Variants in TENM2 observed in about 807,000 individuals in gnomAD.
TENM2 encodes the protein teneurin-2.
A neutral mutation model predicts 245.2 loss-of-function variants in TENM2; 52 were observed. The ratio of observed to expected loss-of-function variants is 0.21; its 90% CI spans 0.17 to 0.27. TENM2 has a LOEUF of 0.27. TENM2 is among the 10% of genes least tolerant of loss of function. The probability of loss-of-function intolerance (pLI) is 1.00; values close to 1 mark genes in which losing one functional copy is unlikely to be tolerated. For missense variants in TENM2, 3,046 were observed against 3,666.8 expected, an observed-to-expected ratio of 0.83 and a Z score of 4.37; for synonymous variants, 1,363 against 1,438.9, an observed-to-expected ratio of 0.95 and a Z score of 1.19.
intron 4 of TENM2, among the ~76,000 whole-genome samples, chr5:167,974,031 GGAAGGAGAAGGAAGGAAGGGAGGAAA>G (rs1782045472): frequency 3.0e-5 from 2 of 66,324 alleles, no homozygotes; most frequent in South Asian, 9.8e-4. Flanking sequence ...GAGGAAGGAA[GGAAGGAGAAGGAAGGAAGGGAGGAAA>G]GGAGGGAGGG....
chr5:167,770,354 AAGG>A (rs1313423083), intron 2 of TENM2, among the ~76,000 whole-genome samples: 2 of 152,178 alleles, frequency 1.3e-5, no homozygotes, highest in Admixed American at 6.6e-5. Flanking sequence ...AGTGGGGAAC[AAGG>A]AGAAGTTACG....
chr5:167,307,682 G>A (rs1755758754), intron 1 of TENM2, among the ~76,000 whole-genome samples: 1 of 152,204 alleles, frequency 6.6e-6, no homozygotes, highest in Non-Finnish European at 1.5e-5. Flanking sequence ...TCACCTGCTG[G>A]TGAGGTCCAT....
chr5:167,985,889 A>G (rs1051162061), intron 4 of TENM2, among the ~76,000 whole-genome samples: 1 of 152,230 alleles, frequency 6.6e-6, no homozygotes, highest in South Asian at 2.1e-4. Flanking sequence ...AAGAAAAGAA[A>G]TCTTTTGTTG....
chr5:167,955,600 G>C (rs1780488562), intron 4 of TENM2, among the ~76,000 whole-genome samples: 1 of 152,066 alleles, frequency 6.6e-6, no homozygotes, highest in Non-Finnish European at 1.5e-5. Context: ...TATGGTTTTA[G>C]GTTTTGTGTT....
intron 2 of TENM2, among the ~76,000 whole-genome samples, chr5:167,814,267 A>G (rs1766864977): frequency 6.6e-6 from 1 of 152,080 alleles, no homozygotes; most frequent in South Asian, 2.1e-4. Context: ...AATAAATAGC[A>G]TTTTAACACA....
At chr5:167,171,796 T>C in the TENM2 span, among the ~76,000 whole-genome samples, 1 of 152,176 alleles carries the variant, frequency 6.6e-6, no homozygotes, top group Non-Finnish European at 1.5e-5. Flanking sequence ...TTCTATTATC[T>C]TCCATTGGCT....
chr5:167,645,346 G>A (rs561173569), intron 2 of TENM2, among the ~76,000 whole-genome samples: 50 of 152,288 alleles, frequency 3.3e-4, no homozygotes, highest in African/African-American at 1.0e-3. Flanking sequence ...ATGGAAACAG[G>A]TGCTAGAAGT....
intron 19 of TENM2, among the ~76,000 whole-genome samples, chr5:168,207,205 T>TAAGTAC (rs1762418201): frequency 6.6e-6 from 1 of 152,202 alleles, no homozygotes; most frequent in Non-Finnish European, 1.5e-5. Flanking sequence ...CTTGGTCATC[T>TAAGTAC]TTGTCCTTTT....
chr5:167,253,010 C>G, the TENM2 span, among the ~76,000 whole-genome samples: 4 of 152,006 alleles, frequency 2.6e-5, no homozygotes, highest in African/African-American at 9.7e-5. Context: ...AATCCAAAGA[C>G]CATTTATTTT....
At chr5:167,289,079 T>C (rs973897715) in intron 1 of TENM2, among the ~76,000 whole-genome samples, 1 of 152,134 alleles carries the variant, frequency 6.6e-6, no homozygotes, top group Non-Finnish European at 1.5e-5. Context: ...TCACAATCAT[T>C]CCTGACTCTC....
chr5:168,249,550 TTCA>T (rs1178792788), intron 27 of TENM2, among the ~76,000 whole-genome samples: 11 of 152,026 alleles, frequency 7.2e-5, no homozygotes, highest in African/African-American at 2.7e-4. Flanking sequence ...GCCTGAAGAA[TTCA>T]TGGGACCTTG....
chr5:167,734,793 A>G (rs1247129031), intron 2 of TENM2, among the ~76,000 whole-genome samples: 2 of 152,216 alleles, frequency 1.3e-5, no homozygotes, highest in Non-Finnish European at 2.9e-5. Flanking sequence ...GATCCTGCAC[A>G]GCAGAGGTGA....
At chr5:167,566,118 T>C (rs1385741950) in intron 2 of TENM2, among the ~76,000 whole-genome samples, 3 of 152,182 alleles carry the variant, frequency 2.0e-5, no homozygotes, top group African/African-American at 4.8e-5. Context: ...CTACTTTCAT[T>C]TTGTTCTGGA....
chr5:167,105,468 T>C, the TENM2 span, among the ~76,000 whole-genome samples: 1 of 152,192 alleles, frequency 6.6e-6, no homozygotes, highest in African/African-American at 2.4e-5. Flanking sequence ...CCTTCAAATG[T>C]GAGTCTAACA....
At chr5:167,609,084 G>A (rs1582531100) in intron 2 of TENM2, among the ~76,000 whole-genome samples, 1 of 152,240 alleles carries the variant, frequency 6.6e-6, no homozygotes, top group East Asian at 1.9e-4. Flanking sequence ...AGTAGGTAAA[G>A]AATAGGTTTT....
At chr5:167,672,456 C>G (rs1241841771) in intron 2 of TENM2, among the ~76,000 whole-genome samples, 1 of 151,964 alleles carries the variant, frequency 6.6e-6, no homozygotes, top group African/African-American at 2.4e-5. Flanking sequence ...AACTGAGATC[C>G]ATGCCTGTGG....
At chr5:167,638,017 G>A (rs1328856048) in intron 2 of TENM2, among the ~76,000 whole-genome samples, 2 of 151,672 alleles carry the variant, frequency 1.3e-5, no homozygotes, top group South Asian at 2.1e-4. Flanking sequence ...GGCATGTAGG[G>A]TATATGGCAA....
intron 3 of TENM2, among the ~76,000 whole-genome samples, chr5:167,900,491 T>C (rs558095376): frequency 2.0e-5 from 3 of 152,262 alleles, no homozygotes; most frequent in African/African-American, 7.2e-5. Flanking sequence ...GCTCTGATGA[T>C]CCAAATAAAA....
intron 2 of TENM2, among the ~76,000 whole-genome samples, chr5:167,699,503 A>G (rs1380090328): frequency 6.6e-6 from 1 of 152,218 alleles, no homozygotes; most frequent in Non-Finnish European, 1.5e-5. Context: ...GTCTTACTTT[A>G]CAGATGAATC....
Sources: gnomAD v4.1 joint callset for allele counts (sites outside exome capture counted in the v4.1 genomes callset) on GRCh38, gnomAD v4.1.1 for gene constraint, MANE v1.5 for transcripts, NCBI Gene and HGNC (gene_info 2026-07-23, HGNC 2026-07-21) for gene names.